Variants in MASP2 observed in about 807,000 individuals in gnomAD.
MASP2 encodes mannan-binding lectin serine protease 2.
In MASP2, 49 loss-of-function variants were observed where a neutral mutation model predicts 57.1. That is an observed-to-expected ratio of 0.86 (90% CI 0.68 to 1.09). MASP2 has a LOEUF of 1.09. Ranked by LOEUF, MASP2 falls within the 50% of genes least tolerant of loss-of-function variation. MASP2 has a pLI of 0.00. For synonymous variants in MASP2, 379 were observed against 340.8 expected (o/e 1.11, Z -1.24); for missense variants, 900 against 874.8 (o/e 1.03, Z -0.36).
rs973822027 is a variant in MASP2, at chr1:11,047,052, G to A, written c.73C>T (p.Pro25Ser). The change falls in exon 2 of 11, where the codon CCT (proline) becomes TCT (serine). Residue 25 changes from proline to serine, a missense_variant. Physicochemically the swap from Pro to Ser is moderately conservative, Grantham distance 74. Coordinates refer to ENST00000400897, the MANE Select transcript of MASP2 (RefSeq NM_006610.4). ...GGGGATGCCAGGCGCCCGAACACAG[G>A]TTCAGGCCACTTCGGGCCCAAGGGG... ...ATPLGPKWPE[P>S]VFGRLASPGF... 1 of 1,551,002 alleles carries A rather than the reference G, an allele frequency of 6.4e-7. No individual in the cohort carries two copies. Among genetic ancestry groups the A allele is most frequent in the Non-Finnish European group, 8.7e-7 (1 of 1,147,230 alleles).
Position 11,034,659 on chromosome 1 carries a change from G to A in MASP2, c.1087+169C>T, listed in dbSNP as rs572274388. ...AATTGCAGTGAGCCGAGATCACACC[G>A]CTGCACTCCAGTCTGGGCAACAGAG... On this transcript the variant is annotated intron_variant, in intron 8 of 10. Transcript: ENST00000400897. Among the ~76,000 whole-genome samples the A allele has an allele frequency of 1.8e-4, 26 of 146,440 alleles. 1 individual carries two copies. The highest frequency in any genetic ancestry group is 5.9e-4 in the African/African-American group (23 of 39,202).
intron 7 of MASP2, among the ~76,000 whole-genome samples, chr1:11,037,253 T>G (rs1638269671): frequency 6.7e-6 from 1 of 149,618 alleles, no homozygotes; most frequent in Non-Finnish European, 1.5e-5. Context: ...CTACCTCATC[T>G]AATTTTTGTA....
At chr1:11,046,403 G>A (rs1295873744) in intron 3 of MASP2, 153 bp downstream of exon 3, 1 of 801,714 alleles carries the variant, frequency 1.2e-6, no homozygotes, top group Admixed American at 2.1e-5. Context: ...CGGCTGTTTT[G>A]GTCTTTGCAT....
At position 11,030,768 on chromosome 1, in the gene MASP2, T is replaced by G; in HGVS notation, c.1202A>C (p.Tyr401Ser). The change falls in exon 9 of 11, where the codon TAC (tyrosine) becomes TCC (serine). Residue 401 changes from tyrosine to serine, a missense_variant. Tyr to Ser is a moderately radical substitution (Grantham distance 144, BLOSUM62 -2). Coordinates refer to ENST00000400897, the MANE Select transcript of MASP2 (RefSeq NM_006610.4). ...VIQYSCEETF[Y>S]TMKVNDGKYV... Reference sequence around the variant, plus strand: ...CATACCATCATTCACTTTCATTGTGTAGAAGGTCTCTTCACAGCTGTACTG... The same window carrying G: ...CATACCATCATTCACTTTCATTGTGGAGAAGGTCTCTTCACAGCTGTACTG... 6.2e-7 allele frequency: 1 copy of G among 1,611,294 alleles called. No individual in the cohort carries two copies. The highest frequency in any genetic ancestry group is 1.3e-5 in the African/African-American group (1 of 74,946).
At chr1:11,042,765 C>T (rs556558424) in intron 6 of MASP2, 110 bp downstream of exon 6, 5 of 1,269,196 alleles carry the variant, frequency 3.9e-6, no homozygotes, top group Non-Finnish European at 4.4e-6. Context: ...AACCTGGTGT[C>T]CCTTCCTAGT....
chr1:11,043,268 G>C, intron 5 of MASP2, 71 bp downstream of exon 5: 1 of 1,363,184 alleles, frequency 7.3e-7, no homozygotes, highest in Admixed American at 2.1e-5. Flanking sequence ...GGGCCATGCT[G>C]CAGGAAGTAG....
At position 11,026,751 on chromosome 1, in the gene MASP2, TG is replaced by T; in HGVS notation, c.*133del. 1.5e-6 allele frequency: 1 copy of T among 648,910 alleles called. No individual in the cohort carries two copies. The highest frequency in any genetic ancestry group is 2.4e-6 in the Non-Finnish European group (1 of 416,988). 40.2% of individuals were successfully genotyped at this position (648,910 alleles called of 1,614,324 possible). A position where few individuals can be genotyped will look rare whatever the true frequency, so the allele number is the denominator to read the frequency against. ...GTGGAGAAATGACAGCAGCCTCACC[TG>T]GAGTCTGTTTTTTTGGGTGGAGCAA... On this transcript the variant is annotated 3_prime_UTR_variant, in exon 11 of 11. Coordinates refer to ENST00000400897, the MANE Select transcript of MASP2 (RefSeq NM_006610.4).
intron 6 of MASP2, among the ~76,000 whole-genome samples, chr1:11,038,076 A>C (rs1359333550): frequency 2.0e-5 from 3 of 152,186 alleles, no homozygotes; most frequent in Non-Finnish European, 4.4e-5. Context: ...GTCCCCACAA[A>C]TAGAACATCT....
chr1:11,032,165 G>C (rs1557668438), intron 8 of MASP2, among the ~76,000 whole-genome samples: 2 of 152,274 alleles, frequency 1.3e-5, no homozygotes, highest in South Asian at 4.1e-4. Context: ...GAGCCCGGGA[G>C]TTTGAGGGTG....
chr1:11,037,093 C>T (rs953188920), intron 7 of MASP2, among the ~76,000 whole-genome samples: 4 of 152,086 alleles, frequency 2.6e-5, no homozygotes, highest in African/African-American at 9.7e-5. Flanking sequence ...TGCTCTGTCA[C>T]CCAGGCTGGA....
At chr1:11,028,219 A>G (rs1248339205) in intron 10 of MASP2, among the ~76,000 whole-genome samples, 1 of 150,122 alleles carries the variant, frequency 6.7e-6, no homozygotes, top group Non-Finnish European at 1.5e-5. Context: ...CTCCATCTCA[A>G]AAAAAAAAGG....
intron 4 of MASP2, chr1:11,045,048 G>A (rs1377826279): frequency 4.1e-6 from 5 of 1,216,422 alleles, no homozygotes; most frequent in South Asian, 1.3e-5. Context: ...GGCTGCCCAC[G>A]CCCCAGAGCA....
In MASP2 at chr1:11,026,831, A is replaced by G. The variant is rs1424176005; in HGVS notation, c.*54T>C. The G allele has an allele frequency of 6.3e-6, 9 of 1,419,014 alleles. No homozygotes were observed. The highest frequency in any genetic ancestry group is 8.4e-6 in the Non-Finnish European group (9 of 1,073,948). The allele number at this position is 1,419,014 out of a possible 1,614,324, so 87.9% of individuals were successfully genotyped here. A position where few individuals can be genotyped will look rare whatever the true frequency, so the allele number is the denominator to read the frequency against. On this transcript the variant is annotated 3_prime_UTR_variant, in exon 11 of 11. Transcript: ENST00000400897. ...TGCTTCTCGAGCCACGTCGCTGCCA[A>G]GGTCTTCACAGGCATTTCTAAAAAT...
chr1:11,044,768 C>CA, intron 4 of MASP2: 1 of 1,335,154 alleles, frequency 7.5e-7, no homozygotes, highest in Non-Finnish European at 1.0e-6. Flanking sequence ...GCCTCCCGAC[C>CA]CTCCCACCCC....
chr1:11,036,021 T>G (rs1643883714), intron 7 of MASP2, among the ~76,000 whole-genome samples: 1 of 152,164 alleles, frequency 6.6e-6, no homozygotes, highest in Non-Finnish European at 1.5e-5. Flanking sequence ...GGAGGGCTAC[T>G]AAGAGTTCTT....
chr1:11,041,837 A>G (rs1392002566), intron 6 of MASP2, among the ~76,000 whole-genome samples: 38 of 142,502 alleles, frequency 2.7e-4, no homozygotes, highest in Middle Eastern at 4.0e-3. Flanking sequence ...TGGGTAGATG[A>G]GTAGAAGGAT....
chr1:11,046,355 G>T, intron 3 of MASP2: 2 of 630,742 alleles, frequency 3.2e-6, no homozygotes, highest in East Asian at 2.8e-5. Context: ...CAGATCCCTG[G>T]CTCAGAGTTG....
intron 4 of MASP2, chr1:11,044,891 G>C: frequency 1.9e-6 from 3 of 1,589,924 alleles, no homozygotes; most frequent in Admixed American, 1.8e-5. Context: ...AGGCCAGCAG[G>C]CTGGCTCTGG....
intron 8 of MASP2, among the ~76,000 whole-genome samples, chr1:11,033,793 C>T (rs796155476): frequency 5.4e-5 from 8 of 146,862 alleles, no homozygotes; most frequent in African/African-American, 7.6e-5. Flanking sequence ...ATTAGCCGTG[C>T]GTGGTGGCAT....
Sources: gnomAD v4.1 joint callset for allele counts (sites outside exome capture counted in the v4.1 genomes callset) on GRCh38, gnomAD v4.1.1 for gene constraint, MANE v1.5 for transcripts, NCBI Gene and HGNC (gene_info 2026-07-23, HGNC 2026-07-21) for gene names.